UBAC2: variants seen among roughly 807,000 people sequenced by gnomAD.
UBAC2 encodes the protein UBA domain containing 2.
Under a neutral mutation model 44.0 loss-of-function variants are expected in UBAC2, and 26 were observed. That is an observed-to-expected ratio of 0.59 (90% confidence interval 0.43 to 0.82). UBAC2 has a LOEUF of 0.82. Among genes scored for constraint, UBAC2 ranks in the 40% least tolerant of loss-of-function variants. The pLI is 0.00. For missense variants in UBAC2, 329 were observed against 419.4 expected (o/e 0.78, Z 1.88); for synonymous variants, 155 against 154.3 (o/e 1.00, Z -0.04).
At chr13:99,212,505 C>G (rs1006303867) in intron 1 of UBAC2, among the ~76,000 whole-genome samples, 3 of 152,164 alleles carry the variant, frequency 2.0e-5, no homozygotes, top group Admixed American at 6.5e-5. Context: ...GGAAAGGGTT[C>G]TGTAGCCAAG....
At chr13:99,364,174 C>T (rs529288870) in intron 7 of UBAC2, among the ~76,000 whole-genome samples, 1 of 151,542 alleles carries the variant, frequency 6.6e-6, no homozygotes, top group South Asian at 2.1e-4. Context: ...TATGCTGTGA[C>T]TTGTGCTGAA....
At chr13:99,352,979 T>G (rs1165895234) in intron 7 of UBAC2, among the ~76,000 whole-genome samples, 1 of 152,198 alleles carries the variant, frequency 6.6e-6, no homozygotes, top group African/African-American at 2.4e-5. Context: ...CCGAGCATCC[T>G]CAGAGACAGC....
intron 6 of UBAC2, among the ~76,000 whole-genome samples, chr13:99,339,667 A>G (rs944737516): frequency 3.3e-5 from 5 of 151,896 alleles, no homozygotes; most frequent in African/African-American, 1.2e-4. Context: ...AGGAATAGCC[A>G]TAGTCATTTT....
intron 7 of UBAC2, among the ~76,000 whole-genome samples, chr13:99,348,012 A>T (rs1291262787): frequency 6.6e-6 from 1 of 151,560 alleles, no homozygotes; most frequent in Non-Finnish European, 1.5e-5. Context: ...CCGCTGACTC[A>T]CTCTTGTCTC....
chr13:99,375,204 G>T (rs976589415), intron 8 of UBAC2, among the ~76,000 whole-genome samples: 2 of 152,188 alleles, frequency 1.3e-5, no homozygotes, highest in Non-Finnish European at 2.9e-5. Flanking sequence ...TCTAGACACA[G>T]TTGGTCTCAG....
chr13:99,244,071 T>C, intron 3 of UBAC2, 120 bp downstream of exon 3: 1 of 833,336 alleles, frequency 1.2e-6, no homozygotes, highest in Non-Finnish European at 1.8e-6. Context: ...ATTACACTAT[T>C]CTGTATCTGA....
intron 1 of UBAC2, chr13:99,201,244 G>C (rs143484553): frequency 7.0e-7 from 1 of 1,433,868 alleles, no homozygotes; most frequent in Non-Finnish European, 9.1e-7. Flanking sequence ...TGGTGTTCTC[G>C]TGGGCCGGCC....
chr13:99,356,088 G>A (rs188861832), intron 7 of UBAC2: 3 of 506,094 alleles, frequency 5.9e-6, no homozygotes, highest in Admixed American at 5.9e-5. Flanking sequence ...GAAAAGAAAT[G>A]TCATTAAAGT....
chr13:99,214,743 C>A (rs1432023394), intron 1 of UBAC2, among the ~76,000 whole-genome samples: 1 of 152,018 alleles, frequency 6.6e-6, no homozygotes, highest in African/African-American at 2.4e-5. Flanking sequence ...CCCACCCCAC[C>A]CTTTTTGGAG....
chr13:99,218,889 C>T (rs2043025496), intron 1 of UBAC2, among the ~76,000 whole-genome samples: 1 of 152,124 alleles, frequency 6.6e-6, no homozygotes, highest in African/African-American at 2.4e-5. Context: ...TTAGGAAGTC[C>T]AGAGACTTGA....
At position 99,204,278 on chromosome 13, in the gene UBAC2, C is replaced by T. The variant is rs77091832; in HGVS notation, c.31+3339C>T. 5.9e-5 allele frequency among the ~76,000 whole-genome samples: 9 copies of T among 152,136 alleles called. No individual in the cohort carries two copies. In the East Asian group the frequency reaches 1.7e-3, roughly 29 times the overall value. ...AGGGGGTAGGCTGGTTGTGGGGAGG[C>T]ACAGTTAAGGAAGACTTCCCAATGT... On this transcript the variant is annotated intron_variant, in intron 1 of 8. Transcript: ENST00000403766.
chr13:99,306,189 C>T (rs895945982), intron 4 of UBAC2, among the ~76,000 whole-genome samples: 1 of 152,156 alleles, frequency 6.6e-6, no homozygotes, highest in African/African-American at 2.4e-5. Flanking sequence ...AGCCACCACA[C>T]CCAGCCTGAT....
At chr13:99,252,487 A>C (rs1049459494) in intron 4 of UBAC2, among the ~76,000 whole-genome samples, 3 of 152,240 alleles carry the variant, frequency 2.0e-5, no homozygotes, top group African/African-American at 7.2e-5. Flanking sequence ...TAGAAATTGT[A>C]GCTGACATGA....
At chr13:99,347,307 C>CAAA (rs936988362) in intron 7 of UBAC2, among the ~76,000 whole-genome samples, 2 of 114,386 alleles carry the variant, frequency 1.7e-5, no homozygotes, top group African/African-American at 6.4e-5. Context: ...TCAGACGTTA[C>CAAA]TATCCCCGGG....
chr13:99,327,247 A>G (rs2044651927), intron 6 of UBAC2, among the ~76,000 whole-genome samples: 1 of 152,216 alleles, frequency 6.6e-6, no homozygotes, highest in Non-Finnish European at 1.5e-5. Context: ...TTAGGCTGGT[A>G]TAGTAGTGTT....
intron 4 of UBAC2, among the ~76,000 whole-genome samples, chr13:99,249,471 T>C (rs1441998683): frequency 1.3e-5 from 2 of 152,258 alleles, no homozygotes; most frequent in African/African-American, 4.8e-5. Context: ...TTCCATGTCT[T>C]TGCTATTGTG....
intron 7 of UBAC2, among the ~76,000 whole-genome samples, chr13:99,342,499 C>G (rs536590097): frequency 2.0e-5 from 3 of 152,228 alleles, no homozygotes. Context: ...CACACAGTCT[C>G]TGTGGATGCC....
At chr13:99,348,221 G>A (rs1415778063) in intron 7 of UBAC2, among the ~76,000 whole-genome samples, 1 of 152,230 alleles carries the variant, frequency 6.6e-6, no homozygotes, top group Non-Finnish European at 1.5e-5. Flanking sequence ...GCAGTGTACT[G>A]CCCTGAGGGA....
At chr13:99,223,542 G>GTTTTTTTTTTTTTTTTTTTTTTTTTTT (rs145143990) in intron 1 of UBAC2, among the ~76,000 whole-genome samples, 8 of 62,446 alleles carry the variant, frequency 1.3e-4, no homozygotes, top group African/African-American at 3.3e-4. Flanking sequence ...CTCTTTTTCT[G>GTTTTTTTTTTTTTTTTTTTTTTTTTTT]TTTTTTTTTT....
Sources: gnomAD v4.1 joint callset for allele counts (sites outside exome capture counted in the v4.1 genomes callset) on GRCh38, gnomAD v4.1.1 for gene constraint, MANE v1.5 for transcripts, NCBI Gene and HGNC (gene_info 2026-07-23, HGNC 2026-07-21) for gene names.